DAPK1: variants seen among roughly 807,000 people sequenced by gnomAD.
DAPK1 encodes the protein death-associated protein kinase 1.
A neutral mutation model predicts 144.9 loss-of-function variants in DAPK1; 56 were observed. The ratio of observed to expected loss-of-function variants is 0.39; its 90% CI spans 0.31 to 0.48. DAPK1 has a LOEUF of 0.48. Among genes scored for constraint, DAPK1 ranks in the 20% least tolerant of loss-of-function variants. The probability of loss-of-function intolerance (pLI) is 0.95; values close to 1 mark genes in which losing one functional copy is unlikely to be tolerated. For synonymous variants in DAPK1, 690 were observed against 749.0 expected, an observed-to-expected ratio of 0.92 and a Z score of 1.29; for missense variants, 1,454 against 1,875.4, an observed-to-expected ratio of 0.78 and a Z score of 4.15.
At chr9:87,638,179 G>T (rs1432776327) in intron 4 of DAPK1, 98 bp downstream of exon 4, 74 of 1,281,298 alleles carry the variant, frequency 5.8e-5, no homozygotes, top group Non-Finnish European at 7.6e-5. Context: ...AGAGTTACAT[G>T]ATTTTCCTGT....
At chr9:87,606,741 C>T (rs1389976351) in intron 3 of DAPK1, among the ~76,000 whole-genome samples, 1 of 112,194 alleles carries the variant, frequency 8.9e-6, no homozygotes, top group African/African-American at 3.8e-5. Context: ...CTCCCTCTCT[C>T]CTTCCTTCCT....
chr9:87,686,790 G>GA lies in DAPK1; in HGVS notation c.2413+51_2413+52insA. ...GGACCTCAGGTTTCCCTTCAACAGG[G>GA]TTGTAAGTCATCCCTAAAGGGAGCT... On this transcript the variant is annotated intron_variant, in intron 21 of 25. Coordinates refer to ENST00000408954, the MANE Select transcript of DAPK1 (RefSeq NM_004938.4). The surrounding 1 kb of genome is among the most constrained non-coding windows in gnomAD (Gnocchi z 4.2). 6.8e-7 allele frequency: 1 copy of GA among 1,468,816 alleles called. No individual in the cohort carries two copies. The highest frequency in any genetic ancestry group is 9.4e-7 in the Non-Finnish European group (1 of 1,064,184). The allele number at this position is 1,468,816 out of a possible 1,614,324, so 91.0% of individuals were successfully genotyped here. A position where few individuals can be genotyped will look rare whatever the true frequency, so the allele number is the denominator to read the frequency against.
chr9:87,518,102 G>GTTTTTTTTTT (rs1405931107), intron 2 of DAPK1, among the ~76,000 whole-genome samples: 2 of 38,366 alleles, frequency 5.2e-5, no homozygotes, highest in African/African-American at 8.7e-5. Flanking sequence ...CGTTTATGTT[G>GTTTTTTTTTT]TTGTTTTTTT....
At chr9:87,625,728 T>A (rs1197541746) in intron 3 of DAPK1, among the ~76,000 whole-genome samples, 2 of 152,240 alleles carry the variant, frequency 1.3e-5, no homozygotes, top group Non-Finnish European at 2.9e-5. Flanking sequence ...TTCCACATGC[T>A]ATTTTATTGT....
Position 87,513,235 on chromosome 9 carries a change from T to A in DAPK1, c.62+14096T>A, listed in dbSNP as rs572787816. Among the ~76,000 whole-genome samples, 11 of 152,372 alleles carry A rather than the reference T, an allele frequency of 7.2e-5. No individual in the cohort carries two copies. The South Asian group carries it at 1.7e-3, about 23-fold the overall frequency. On this transcript the variant is annotated intron_variant, in intron 2 of 25. Coordinates refer to ENST00000408954, the MANE Select transcript of DAPK1 (RefSeq NM_004938.4). ...AAGGGCTAATTGAATATCTGAATGA[T>A]CTTGCTGCAGTGTTGGGCAGGGCCC...
chr9:87,621,798 T>G (rs575609382), intron 3 of DAPK1, among the ~76,000 whole-genome samples: 1 of 152,272 alleles, frequency 6.6e-6, no homozygotes, highest in African/African-American at 2.4e-5. Flanking sequence ...TGGACACTGT[T>G]GAGCACCCCT....
At chr9:87,617,507 G>A (rs766863871) in intron 3 of DAPK1, among the ~76,000 whole-genome samples, 18 of 152,130 alleles carry the variant, frequency 1.2e-4, no homozygotes, top group Non-Finnish European at 2.5e-4. Context: ...GAGACAGGAC[G>A]CAATCCATAC....
intron 11 of DAPK1, among the ~76,000 whole-genome samples, chr9:87,644,789 T>G (rs949551481): frequency 2.6e-5 from 4 of 152,158 alleles, no homozygotes; most frequent in African/African-American, 9.7e-5. Context: ...GAGCTCCAGG[T>G]GGAAAGATAC....
chr9:87,552,122 G>A (rs1326823229), intron 2 of DAPK1, among the ~76,000 whole-genome samples: 1 of 152,032 alleles, frequency 6.6e-6, no homozygotes, highest in Non-Finnish European at 1.5e-5. Context: ...CTCAGCCCAG[G>A]CAGGGCCCTG....
intron 2 of DAPK1, among the ~76,000 whole-genome samples, chr9:87,524,088 C>T (rs1825399715): frequency 6.6e-6 from 1 of 152,186 alleles, no homozygotes; most frequent in Non-Finnish European, 1.5e-5. Context: ...AAGTTAGTGT[C>T]TTGGATAAGG....
At chr9:87,504,198 T>C (rs909059810) in intron 2 of DAPK1, among the ~76,000 whole-genome samples, 1 of 152,208 alleles carries the variant, frequency 6.6e-6, no homozygotes. Flanking sequence ...CTCAGAATGC[T>C]CTCAGATGTT....
At chr9:87,606,993 A>G (rs1361338207) in intron 3 of DAPK1, among the ~76,000 whole-genome samples, 2 of 151,402 alleles carry the variant, frequency 1.3e-5, no homozygotes, top group South Asian at 2.1e-4. Flanking sequence ...TGTGACAACT[A>G]AAAATATATC....
chr9:87,534,933 C>T (rs1825812135), intron 2 of DAPK1, among the ~76,000 whole-genome samples: 1 of 152,142 alleles, frequency 6.6e-6, no homozygotes, highest in South Asian at 2.1e-4. Context: ...GGATGAGCCA[C>T]CCCGTCCGAT....
intron 7 of DAPK1, among the ~76,000 whole-genome samples, chr9:87,640,025 C>G (rs1179248987): frequency 6.6e-6 from 1 of 152,196 alleles, no homozygotes; most frequent in Non-Finnish European, 1.5e-5. Context: ...GTAGCATAAT[C>G]ACTGAAAGAA....
chr9:87,609,854 T>A (rs2118985346), intron 3 of DAPK1, among the ~76,000 whole-genome samples: 1 of 152,324 alleles, frequency 6.6e-6, no homozygotes, highest in South Asian at 2.1e-4. Context: ...CAAGTCGAAC[T>A]TCCTCTGAGG....
chr9:87,663,722 G>A (rs1830944687), intron 18 of DAPK1, among the ~76,000 whole-genome samples: 1 of 151,970 alleles, frequency 6.6e-6, no homozygotes, highest in Non-Finnish European at 1.5e-5. Flanking sequence ...GTCCCTGCTT[G>A]CCCCTGAGTG....
chr9:87,616,993 A>G (rs1325960408), intron 3 of DAPK1, among the ~76,000 whole-genome samples: 3 of 152,124 alleles, frequency 2.0e-5, no homozygotes, highest in East Asian at 3.9e-4. Flanking sequence ...AAGTAACTTC[A>G]CTCTGGGTTC....
intron 2 of DAPK1, among the ~76,000 whole-genome samples, chr9:87,585,760 A>C (rs535135800): frequency 5.9e-5 from 9 of 152,368 alleles, no homozygotes; most frequent in South Asian, 2.1e-4. Context: ...TGACAGCCAC[A>C]GGCCACTTGT....
chr9:87,676,945 G>T (rs1824407522), intron 19 of DAPK1, among the ~76,000 whole-genome samples: 3 of 152,216 alleles, frequency 2.0e-5, no homozygotes, highest in African/African-American at 4.8e-5. Flanking sequence ...GTGAGTTCTG[G>T]CTTTGCTCTG....
Sources: allele counts gnomAD v4.1 joint callset (sites outside exome capture counted in the v4.1 genomes callset), GRCh38; gene constraint gnomAD v4.1.1; non-coding constraint Gnocchi (gnomAD v3.1); transcripts MANE v1.5; gene names NCBI Gene and HGNC (gene_info 2026-07-23, HGNC 2026-07-21).